NEK6: variants seen among roughly 807,000 people sequenced by gnomAD.
The protein encoded by NEK6 is NIMA related kinase 6, also known as serine/threonine-protein kinase Nek6.
In NEK6, 27 loss-of-function variants were observed where a neutral mutation model predicts 43.5. That is an observed-to-expected ratio of 0.62 (90% confidence interval 0.46 to 0.86). The LOEUF (loss-of-function observed/expected upper bound fraction) is 0.86, where lower values mean the gene tolerates loss of function less well. Among genes scored for constraint, NEK6 ranks in the 40% least tolerant of loss-of-function variants. NEK6 has a pLI of 0.00. For missense variants in NEK6, 318 were observed against 414.4 expected (o/e 0.77, Z 2.02); for synonymous variants, 167 against 164.1 (o/e 1.02, Z -0.14).
intron 2 of NEK6, among the ~76,000 whole-genome samples, chr9:124,310,552 C>G (rs566864481): frequency 1.3e-5 from 2 of 152,248 alleles, no homozygotes; most frequent in Non-Finnish European, 2.9e-5. Flanking sequence ...CCATCACTCA[C>G]TCCCGCAGGA....
intron 4 of NEK6, among the ~76,000 whole-genome samples, chr9:124,316,398 G>A (rs564097213): frequency 6.6e-6 from 1 of 152,326 alleles, no homozygotes; most frequent in East Asian, 1.9e-4. Context: ...TGTTACATCC[G>A]GGAGGGCCTG....
intron 7 of NEK6, 98 bp from the exon 8 acceptor site, chr9:124,339,473 C>G (rs1829475302): frequency 2.5e-6 from 2 of 814,836 alleles, no homozygotes; most frequent in Non-Finnish European, 4.3e-6. Flanking sequence ...GGCACAATCT[C>G]TCCCCAGCTC....
intron 1 of NEK6, among the ~76,000 whole-genome samples, chr9:124,273,081 A>G (rs1257332985): frequency 6.6e-6 from 1 of 152,172 alleles, no homozygotes; most frequent in Non-Finnish European, 1.5e-5. Context: ...TTGGCCTGAA[A>G]AATGACCATT....
In NEK6 at chr9:124,316,124, G is replaced by A. The variant is rs146549411; in HGVS notation, c.294+2139G>A. On this transcript the variant is annotated intron_variant, in intron 4 of 9. Transcript: ENST00000320246. ...AAGTCAACAGGATGTGCCAGGGCAC[G>A]AGGTGCTTCCTACAAAACAAAAGGA... 5.2e-3 allele frequency among the ~76,000 whole-genome samples: 795 copies of A among 152,356 alleles called. 3 individuals carry two copies. The highest frequency in any genetic ancestry group is 0.01 in the Middle Eastern group (3 of 294).
intron 2 of NEK6, among the ~76,000 whole-genome samples, chr9:124,303,104 C>T (rs991177477): frequency 1.3e-5 from 2 of 152,352 alleles, no homozygotes; most frequent in South Asian, 4.1e-4. Context: ...AGAGAGGCTT[C>T]CTCATGGAAG....
chr9:124,337,025 A>G (rs956358531), intron 7 of NEK6, among the ~76,000 whole-genome samples: 2 of 150,884 alleles, frequency 1.3e-5, no homozygotes, highest in African/African-American at 4.9e-5. Context: ...TTCCGGGCCT[A>G]TGCCTCCAGA....
At chr9:124,314,319 C>G (rs991088211) in intron 4 of NEK6, among the ~76,000 whole-genome samples, 2 of 152,294 alleles carry the variant, frequency 1.3e-5, no homozygotes, top group South Asian at 4.1e-4. Flanking sequence ...GCCTATGGAC[C>G]AGGCTTGGCT....
At chr9:124,350,391 C>CG (rs1830193227) in intron 9 of NEK6, among the ~76,000 whole-genome samples, 1 of 127,650 alleles carries the variant, frequency 7.8e-6, no homozygotes, top group Non-Finnish European at 1.7e-5. Context: ...ATAAAGGGGC[C>CG]GGGGGTGGGC....
At chr9:124,344,473 G>A (rs547130196) in intron 8 of NEK6, among the ~76,000 whole-genome samples, 5 of 152,364 alleles carry the variant, frequency 3.3e-5, no homozygotes, top group Non-Finnish European at 7.3e-5. Context: ...CCCCAGCGGA[G>A]TGTCTTGAAG....
At position 124,326,848 on chromosome 9, in the gene NEK6, G is replaced by A. The variant is rs140127706; in HGVS notation, c.514+410G>A. On this transcript the variant is annotated intron_variant, in intron 6 of 9. Coordinates refer to ENST00000320246, the MANE Select transcript of NEK6 (RefSeq NM_014397.6). This position sits in a 1 kb window ranked among gnomAD's most constrained non-coding sequence, Gnocchi z 4.5. ...TGAGAAAGGAGCCTGCTGGGTGCCC[G>A]GCAGGGCACGAGGTCCTTTACGTAG... Among the ~76,000 whole-genome samples, 618 of 152,250 alleles carry A rather than the reference G, an allele frequency of 4.1e-3. 2 individuals carry two copies. The highest frequency in any genetic ancestry group is 0.013 in the African/African-American group (542 of 41,546).
intron 1 of NEK6, among the ~76,000 whole-genome samples, chr9:124,276,047 G>C (rs1017330847): frequency 2.6e-5 from 4 of 152,134 alleles, no homozygotes; most frequent in Admixed American, 2.6e-4. Context: ...AGTGTGGCCC[G>C]TGGAGGCTGG....
chr9:124,314,052 C>G, intron 4 of NEK6, 67 bp downstream of exon 4: 1 of 1,388,692 alleles, frequency 7.2e-7, no homozygotes. Flanking sequence ...GGCTGGGCCA[C>G]ATCATGTCCA....
chr9:124,333,179 T>C (rs900436132), intron 7 of NEK6, among the ~76,000 whole-genome samples: 2 of 152,180 alleles, frequency 1.3e-5, no homozygotes, highest in South Asian at 4.1e-4. Flanking sequence ...TTCTTTGAAA[T>C]CTCTTGTTTT....
At chr9:124,333,822 A>G (rs1829148191) in intron 7 of NEK6, among the ~76,000 whole-genome samples, 1 of 146,922 alleles carries the variant, frequency 6.8e-6, no homozygotes, top group African/African-American at 2.6e-5. Context: ...CTGTTGCCCA[A>G]GCTGGAATGC....
chr9:124,350,793 A>G, intron 9 of NEK6, 44 bp from the exon 10 acceptor site: 1 of 1,434,012 alleles, frequency 7.0e-7, no homozygotes. Flanking sequence ...GAGCCTCAGT[A>G]AGACTGCTTT....
At position 124,350,975 on chromosome 9, in the gene NEK6, C is replaced by T; in HGVS notation, c.*28C>T. The T allele has an allele frequency of 1.3e-6, 2 of 1,524,402 alleles. No homozygotes were observed. Among genetic ancestry groups the T allele is most frequent in the Non-Finnish European group, 1.8e-6 (2 of 1,107,476 alleles). 94.4% of individuals were successfully genotyped at this position (1,524,402 alleles called of 1,614,324 possible). On this transcript the variant is annotated 3_prime_UTR_variant, in exon 10 of 10. Coordinates refer to ENST00000320246, the MANE Select transcript of NEK6 (RefSeq NM_014397.6). ...GTGGATGCACCGTGCCTTATCAAAG[C>T]CAGCACCACTTTGCCTTACTTGAGT...
At position 124,326,939 on chromosome 9, in the gene NEK6, G is replaced by A. The variant is rs989824335; in HGVS notation, c.515-399G>A. Among the ~76,000 whole-genome samples, 2 of 152,118 alleles carry A rather than the reference G, an allele frequency of 1.3e-5. No homozygotes were observed. Among genetic ancestry groups the A allele is most frequent in the African/African-American group, 4.8e-5 (2 of 41,420 alleles). On this transcript the variant is annotated intron_variant, in intron 6 of 9. Coordinates refer to ENST00000320246, the MANE Select transcript of NEK6 (RefSeq NM_014397.6). This position sits in a 1 kb window ranked among gnomAD's most constrained non-coding sequence, Gnocchi z 4.5. ...TCTCTTGGTGTCTGCTGTATTGGAG[G>A]CCCCGCCCTCACTGGGGGGTACGGC...
At chr9:124,348,407 G>T (rs770935802) in intron 9 of NEK6, among the ~76,000 whole-genome samples, 10 of 152,182 alleles carry the variant, frequency 6.6e-5, no homozygotes, top group Non-Finnish European at 1.5e-4. Flanking sequence ...TTATTCCTCG[G>T]CTCCGTCACC....
At chr9:124,268,170 C>T (rs1831297163) in intron 1 of NEK6, among the ~76,000 whole-genome samples, 1 of 152,204 alleles carries the variant, frequency 6.6e-6, no homozygotes, top group Non-Finnish European at 1.5e-5. Context: ...ACCCCTTTTC[C>T]TACCCAGTGC....
Sources: gnomAD v4.1 joint callset for allele counts (sites outside exome capture counted in the v4.1 genomes callset) on GRCh38, gnomAD v4.1.1 for gene constraint, Gnocchi (gnomAD v3.1) non-coding constraint, MANE v1.5 for transcripts, NCBI Gene and HGNC (gene_info 2026-07-23, HGNC 2026-07-21) for gene names.